The following KIF13B variants were observed in gnomAD, a reference collection of about 807,000 sequenced individuals.
KIF13B encodes kinesin family member 13B, also known as kinesin-like protein KIF13B.
In KIF13B, 127 loss-of-function variants were observed where a neutral mutation model predicts 222.0. That is an observed-to-expected ratio of 0.57 (90% CI 0.50 to 0.66). The LOEUF (loss-of-function observed/expected upper bound fraction) is 0.66, where lower values mean the gene tolerates loss of function less well. Among genes scored for constraint, KIF13B ranks in the 30% least tolerant of loss-of-function variants. KIF13B has a pLI of 0.00. For missense variants in KIF13B, 2,173 were observed against 2,379.0 expected, an observed-to-expected ratio of 0.91 and a Z score of 1.80; for synonymous variants, 976 against 919.0, an observed-to-expected ratio of 1.06 and a Z score of -1.12.
intron 35 of KIF13B, among the ~76,000 whole-genome samples, chr8:29,099,960 T>C (rs1484732560): frequency 6.6e-6 from 1 of 152,196 alleles, no homozygotes; most frequent in Non-Finnish European, 1.5e-5. Flanking sequence ...AACAACTCTA[T>C]AGTCAGAGGG....
intron 32 of KIF13B, among the ~76,000 whole-genome samples, chr8:29,111,398 T>G (rs1254352055): frequency 1.3e-5 from 2 of 152,248 alleles, no homozygotes; most frequent in Non-Finnish European, 2.9e-5. Flanking sequence ...CCAAGCAACT[T>G]TTGGGGCTTT....
chr8:29,155,879 G>C (rs1035140915), intron 13 of KIF13B, 23 bp from the exon 14 acceptor site: 5 of 1,511,498 alleles, frequency 3.3e-6, no homozygotes, highest in Non-Finnish European at 4.5e-6. Flanking sequence ...CAAATTCACT[G>C]ATTAATACTG....
At chr8:29,255,543 C>G (rs757866953) in intron 1 of KIF13B, among the ~76,000 whole-genome samples, 1 of 152,026 alleles carries the variant, frequency 6.6e-6, no homozygotes, top group South Asian at 2.1e-4. Flanking sequence ...TCTATCTATA[C>G]AAGGTTCAAA....
intron 36 of KIF13B, among the ~76,000 whole-genome samples, chr8:29,093,843 G>T (rs1206620413): frequency 6.6e-6 from 1 of 152,064 alleles, no homozygotes; most frequent in Non-Finnish European, 1.5e-5. Flanking sequence ...CGAGCCGAGA[G>T]ATACATCATA....
At chr8:29,076,894 AAGCCC>A (rs1276187204) in intron 37 of KIF13B, among the ~76,000 whole-genome samples, 3 of 152,104 alleles carry the variant, frequency 2.0e-5, no homozygotes, top group Admixed American at 1.3e-4. Flanking sequence ...AGAATCACTT[AAGCCC>A]AGGAGTTGGA....
chr8:29,081,282 T>A (rs1225092354), intron 37 of KIF13B, among the ~76,000 whole-genome samples: 3 of 152,130 alleles, frequency 2.0e-5, no homozygotes, highest in Non-Finnish European at 4.4e-5. Flanking sequence ...ACCCTCCCCA[T>A]TTCCCCAACA....
chr8:29,163,441 C>A (rs17059722), intron 12 of KIF13B, among the ~76,000 whole-genome samples: 4 of 152,078 alleles, frequency 2.6e-5, no homozygotes, highest in African/African-American at 9.7e-5. Flanking sequence ...CCCAGAATGA[C>A]GTGAGAAGTC....
chr8:29,154,050 G>C (rs1563745785), intron 14 of KIF13B, among the ~76,000 whole-genome samples: 1 of 152,206 alleles, frequency 6.6e-6, no homozygotes, highest in Non-Finnish European at 1.5e-5. Flanking sequence ...AGTAGTTTAT[G>C]CCTGTAATCC....
chr8:29,109,347 G>A lies in KIF13B; in HGVS notation c.4161+87C>T. On this transcript the variant is annotated intron_variant, in intron 34 of 39. Transcript: ENST00000524189. ...GCAAGGGAAGGGTTTCGGAGATGGG[G>A]TTTGACGGGTGGAGAAGAGTTACCC... 2.9e-6 allele frequency: 3 copies of A among 1,045,770 alleles called. No individual in the cohort carries two copies. In the South Asian group the frequency reaches 4.0e-5, roughly 14 times the overall value. The allele number at this position is 1,045,770 out of a possible 1,614,324, so 64.8% of individuals were successfully genotyped here.
At position 29,249,992 on chromosome 8, in the gene KIF13B, C is replaced by T. The variant is rs1450885610; in HGVS notation, c.56-4553G>A. 4 of 1,283,114 alleles carry T rather than the reference C, an allele frequency of 3.1e-6. No individual in the cohort carries two copies. In the South Asian group the frequency reaches 3.7e-5, roughly 12 times the overall value. The allele number at this position is 1,283,114 out of a possible 1,614,324, so 79.5% of individuals were successfully genotyped here. A position where few individuals can be genotyped will look rare whatever the true frequency, so the allele number is the denominator to read the frequency against. On this transcript the variant is annotated intron_variant, in intron 1 of 39. Transcript: ENST00000524189. ...TCAAACATGCAATTTTACCTCTTCA[C>T]TTCCTCAGGCCCAGAGGTCCATGAG...
chr8:29,143,733 C>A (rs1389965181), intron 18 of KIF13B, among the ~76,000 whole-genome samples: 1 of 151,964 alleles, frequency 6.6e-6, no homozygotes, highest in Non-Finnish European at 1.5e-5. Flanking sequence ...GTAGTCCCAG[C>A]TATTCAGGAG....
intron 2 of KIF13B, among the ~76,000 whole-genome samples, chr8:29,203,750 C>G (rs1043045092): frequency 1.3e-5 from 2 of 151,788 alleles, no homozygotes; most frequent in South Asian, 2.1e-4. Context: ...ATAAATTAGC[C>G]GGGCATTGTG....
chr8:29,072,715 A>G (rs1352355870), intron 38 of KIF13B, among the ~76,000 whole-genome samples: 1 of 152,038 alleles, frequency 6.6e-6, no homozygotes, highest in Non-Finnish European at 1.5e-5. Context: ...TGCCCCATCT[A>G]CTTTTTACCT....
chr8:29,263,360 A>G (rs1227369934), upstream of KIF13B, among the ~76,000 whole-genome samples: 1 of 152,278 alleles, frequency 6.6e-6, no homozygotes, highest in East Asian at 1.9e-4. Flanking sequence ...TAAGCCTTCA[A>G]GAGCTGATAC....
In KIF13B at chr8:29,072,279, G is replaced by T. The variant is rs1439152681; in HGVS notation, c.4559C>A (p.Thr1520Lys). Reference protein sequence around the residue: ...PEMGPDVLVQTMGAPALKICD... With the variant: ...PEMGPDVLVQKMGAPALKICD... ...GATCTTCAAGGCCGGGGCCCCCATC[G>T]TCTGCACCAGCACGTCAGGGCCCAT... The change falls in exon 39 of 40, where the codon ACG (threonine) becomes AAG (lysine). Residue 1520 changes from threonine to lysine, a missense_variant. By Grantham distance (78) the Thr-to-Lys change is moderately conservative. Coordinates refer to ENST00000524189, the MANE Select transcript of KIF13B (RefSeq NM_015254.4). 3 of 1,466,872 alleles carry T rather than the reference G, an allele frequency of 2.0e-6. No individual in the cohort carries two copies. Among genetic ancestry groups the T allele is most frequent in the Admixed American group, 2.5e-5 (1 of 39,380 alleles). The allele number at this position is 1,466,872 out of a possible 1,614,324, so 90.9% of individuals were successfully genotyped here.
At chr8:29,104,447 C>A (rs146546429) in intron 35 of KIF13B, among the ~76,000 whole-genome samples, 1 of 152,300 alleles carries the variant, frequency 6.6e-6, no homozygotes, top group Non-Finnish European at 1.5e-5. Context: ...CTAACCGGTC[C>A]CTCCACTCTC....
At chr8:29,120,502 C>T (rs1170095069) in intron 29 of KIF13B, among the ~76,000 whole-genome samples, 7 of 11,408 alleles carry the variant, frequency 6.1e-4, no homozygotes, top group African/African-American at 2.4e-3. Flanking sequence ...CTACAAAGGA[C>T]ATGAACTCAT....
chr8:29,249,434 A>ATT (rs1563826727), intron 1 of KIF13B, among the ~76,000 whole-genome samples: 16 of 148,582 alleles, frequency 1.1e-4, no homozygotes, highest in African/African-American at 3.5e-4. Flanking sequence ...CGTCTTTAAA[A>ATT]AAAAAAAAAA....
intron 1 of KIF13B, among the ~76,000 whole-genome samples, chr8:29,247,226 A>C (rs1488510950): frequency 6.6e-6 from 1 of 152,112 alleles, no homozygotes; most frequent in African/African-American, 2.4e-5. Flanking sequence ...CGTCTAAAAA[A>C]AACAACAAAA....
Sources: gnomAD v4.1 joint callset for allele counts (sites outside exome capture counted in the v4.1 genomes callset) on GRCh38, gnomAD v4.1.1 for gene constraint, MANE v1.5 for transcripts, NCBI Gene and HGNC (gene_info 2026-07-23, HGNC 2026-07-21) for gene names.